Variants in ADGRL3 observed in about 807,000 individuals in gnomAD.
The protein encoded by ADGRL3 is calcium-independent alpha-latrotoxin receptor 3.
ADGRL3 carries 62 observed loss-of-function variants against 153.5 expected under a neutral mutation model. The ratio of observed to expected loss-of-function variants is 0.40; its 90% CI spans 0.33 to 0.50. The LOEUF is 0.50. Ranked by LOEUF, ADGRL3 falls within the 20% of genes least tolerant of loss-of-function variation. The pLI is 0.47. For synonymous variants in ADGRL3, 710 were observed against 672.5 expected, an observed-to-expected ratio of 1.06 and a Z score of -0.86; for missense variants, 1,641 against 1,859.4, an observed-to-expected ratio of 0.88 and a Z score of 2.16.
At chr4:61,979,103 A>T (rs2099058368) in intron 17 of ADGRL3, among the ~76,000 whole-genome samples, 1 of 152,190 alleles carries the variant, frequency 6.6e-6, no homozygotes, top group Admixed American at 6.5e-5. Context: ...TTGCATTTTT[A>T]ATTTTAAAAC....
chr4:61,940,045 G>A (rs1394416157), intron 15 of ADGRL3, among the ~76,000 whole-genome samples: 2 of 133,262 alleles, frequency 1.5e-5, no homozygotes, highest in Non-Finnish European at 3.2e-5. Context: ...GTGTCATCTA[G>A]CATTAGGTAT....
chr4:61,331,603 T>C (rs1439067501), intron 1 of ADGRL3, among the ~76,000 whole-genome samples: 2 of 152,174 alleles, frequency 1.3e-5, no homozygotes, highest in African/African-American at 4.8e-5. Flanking sequence ...TAAATTATTT[T>C]CCAATTTAGG....
rs1288273515 is a variant in ADGRL3 at position 61,497,271 on chromosome 4, A to T, written c.-23A>T. 6.6e-7 allele frequency: 1 copy of T among 1,511,328 alleles called. No individual in the cohort carries two copies. The highest frequency in any genetic ancestry group is 2.3e-5 in the East Asian group (1 of 43,782). The allele number at this position is 1,511,328 out of a possible 1,614,324, so 93.6% of individuals were successfully genotyped here. On this transcript the variant is annotated 5_prime_UTR_variant, in exon 3 of 27. Coordinates refer to ENST00000683033, the MANE Select transcript of ADGRL3 (RefSeq NM_001387552.1). ...ATTTGAACAGTCATTCTTGAGGAAT[A>T]CTCCATACCTGAGTAGACAGCCATG...
intron 8 of ADGRL3, among the ~76,000 whole-genome samples, chr4:61,759,907 C>T (rs1580684401): frequency 6.6e-6 from 1 of 152,310 alleles, no homozygotes; most frequent in East Asian, 1.9e-4. Context: ...CCCTCAGCTG[C>T]AGGTCTGTTG....
intron 1 of ADGRL3, among the ~76,000 whole-genome samples, chr4:61,350,103 A>G (rs1249742959): frequency 6.6e-6 from 1 of 152,180 alleles, no homozygotes; most frequent in Non-Finnish European, 1.5e-5. Flanking sequence ...GGTGATGTAG[A>G]TGATATTGTA....
At chr4:61,696,027 T>C (rs1403566607) in intron 6 of ADGRL3, among the ~76,000 whole-genome samples, 1 of 152,206 alleles carries the variant, frequency 6.6e-6, no homozygotes, top group Non-Finnish European at 1.5e-5. Context: ...TGGCTTAAGG[T>C]AATATTACAG....
chr4:61,553,006 A>C (rs766363868), intron 4 of ADGRL3, among the ~76,000 whole-genome samples: 3 of 152,184 alleles, frequency 2.0e-5, no homozygotes, highest in Admixed American at 6.5e-5. Flanking sequence ...TCCACCTAGT[A>C]GTCAGGAAAA....
intron 5 of ADGRL3, among the ~76,000 whole-genome samples, chr4:61,648,951 G>T (rs912406796): frequency 2.0e-5 from 3 of 151,844 alleles, no homozygotes; most frequent in Non-Finnish European, 4.4e-5. Flanking sequence ...TTCCTTTTCA[G>T]TATTTTCTAT....
intron 6 of ADGRL3, among the ~76,000 whole-genome samples, chr4:61,680,381 CTT>C (rs538269028): frequency 6.8e-6 from 1 of 147,408 alleles, no homozygotes; most frequent in African/African-American, 2.5e-5. Flanking sequence ...GTAGAAGAAA[CTT>C]TTTTTTAAAT....
At chr4:61,937,178 G>C (rs1040355913) in intron 15 of ADGRL3, among the ~76,000 whole-genome samples, 1 of 152,040 alleles carries the variant, frequency 6.6e-6, no homozygotes, top group Non-Finnish European at 1.5e-5. Flanking sequence ...GTTGACAAAG[G>C]GTTCTTCTGA....
chr4:61,572,939 A>G (rs748224995), intron 4 of ADGRL3, among the ~76,000 whole-genome samples: 38 of 152,028 alleles, frequency 2.5e-4, no homozygotes, highest in Admixed American at 5.2e-4. Flanking sequence ...TCTTTATGTA[A>G]ATGATCATCT....
At chr4:61,897,408 G>GAGCT (rs1462026770) in intron 11 of ADGRL3, among the ~76,000 whole-genome samples, 2 of 152,122 alleles carry the variant, frequency 1.3e-5, no homozygotes, top group Non-Finnish European at 2.9e-5. Flanking sequence ...GTCAGTGGTG[G>GAGCT]AGCTAATATT....
intron 21 of ADGRL3, among the ~76,000 whole-genome samples, chr4:62,024,905 A>G (rs1221553292): frequency 1.5e-5 from 2 of 136,760 alleles, no homozygotes; most frequent in African/African-American, 5.4e-5. Context: ...ACTTTAACCC[A>G]GGCGACAGTG....
In ADGRL3 at chr4:62,071,603, G is replaced by A. The variant is rs1359274281; in HGVS notation, c.*695G>A. 7 of 332,100 alleles carry A rather than the reference G, an allele frequency of 2.1e-5. No individual in the cohort carries two copies. Among genetic ancestry groups the A allele is most frequent in the Non-Finnish European group, 1.2e-5 (2 of 172,874 alleles). The allele number at this position is 332,100 out of a possible 1,614,324, so 20.6% of individuals were successfully genotyped here. A position where few individuals can be genotyped will look rare whatever the true frequency, so the allele number is the denominator to read the frequency against. On this transcript the variant is annotated 3_prime_UTR_variant, in exon 27 of 27. Coordinates refer to ENST00000683033, the MANE Select transcript of ADGRL3 (RefSeq NM_001387552.1). ...GCATTGCACATATAGTCTGCTTTCT[G>A]TTCCTCCAGAATTTGAGTCCTGTTA...
At chr4:61,298,449 C>G (rs1178233864) in intron 1 of ADGRL3, among the ~76,000 whole-genome samples, 3 of 152,100 alleles carry the variant, frequency 2.0e-5, no homozygotes, top group Admixed American at 2.0e-4. Flanking sequence ...TAAACAAAAG[C>G]CTTTTTGAGT....
rs1452099079 is a variant in ADGRL3 at position 62,072,401 on chromosome 4, A to T, written c.*1493A>T. On this transcript the variant is annotated 3_prime_UTR_variant, in exon 27 of 27. Transcript: ENST00000683033. The stretch of plus-strand genomic sequence containing the variant: ...TACTAATATTTGTTGTAAAAGTGAA[A>T]CTTGTTTGCCAACCAATAAACAACT... The T allele has an allele frequency of 6.6e-6, 1 of 152,588 alleles. No individual in the cohort carries two copies. Among genetic ancestry groups the T allele is most frequent in the Non-Finnish European group, 1.5e-5 (1 of 68,030 alleles). The allele number at this position is 152,588 out of a possible 1,614,324, so 9.5% of individuals were successfully genotyped here.
At chr4:61,473,072 A>G (rs978209154) in intron 2 of ADGRL3, among the ~76,000 whole-genome samples, 1 of 152,084 alleles carries the variant, frequency 6.6e-6, no homozygotes, top group African/African-American at 2.4e-5. Flanking sequence ...TTTTTCAGAG[A>G]ATTTTCAGTG....
intron 9 of ADGRL3, among the ~76,000 whole-genome samples, chr4:61,863,212 A>C (rs1028975070): frequency 6.7e-6 from 1 of 148,324 alleles, no homozygotes; most frequent in African/African-American, 2.5e-5. Flanking sequence ...GCTTGTGTAC[A>C]TCATGTCTGG....
At chr4:61,544,413 C>T (rs558375571) in intron 4 of ADGRL3, among the ~76,000 whole-genome samples, 24 of 152,240 alleles carry the variant, frequency 1.6e-4, no homozygotes, top group Non-Finnish European at 2.6e-4. Flanking sequence ...CTATTTTTCT[C>T]TTTGTATTTT....
Sources: gnomAD v4.1 joint callset for allele counts (sites outside exome capture counted in the v4.1 genomes callset) on GRCh38, gnomAD v4.1.1 for gene constraint, MANE v1.5 for transcripts, NCBI Gene and HGNC (gene_info 2026-07-23, HGNC 2026-07-21) for gene names.